Variants in ADGRB1 observed in about 807,000 individuals in gnomAD.
The protein encoded by ADGRB1 is adhesion G protein-coupled receptor B1, also known as brain-specific angiogenesis inhibitor 1.
Under a neutral mutation model 175.7 loss-of-function variants are expected in ADGRB1, and 36 were observed. That is an observed-to-expected ratio of 0.20 (90% CI 0.16 to 0.27). ADGRB1 has a LOEUF of 0.27. Ranked by LOEUF, ADGRB1 falls within the 10% of genes least tolerant of loss-of-function variation. The pLI is 1.00. For missense variants in ADGRB1, 1,731 were observed against 2,255.3 expected, an observed-to-expected ratio of 0.77 and a Z score of 4.71; for synonymous variants, 1,054 against 979.4, an observed-to-expected ratio of 1.08 and a Z score of -1.42.
intron 17 of ADGRB1, among the ~76,000 whole-genome samples, chr8:142,508,050 C>T (rs753980093): frequency 3.3e-5 from 5 of 152,028 alleles, no homozygotes. Context: ...GCCTGGATTC[C>T]AGTTTTTATG....
In ADGRB1 at chr8:142,511,368, C is replaced by G. The variant is rs1048961951; in HGVS notation, c.2817+295C>G. On this transcript the variant is annotated intron_variant, in intron 18 of 30. Transcript: ENST00000517894. This position sits in a 1 kb window ranked among gnomAD's most constrained non-coding sequence, Gnocchi z 4.5. Reference sequence around the variant, plus strand: ...CCCTGGCCTTGGAGGCCCGGGATCTCCGAGGGAGCCTGGGCCTGGGGAGAG... The same window carrying G: ...CCCTGGCCTTGGAGGCCCGGGATCTGCGAGGGAGCCTGGGCCTGGGGAGAG... 6.6e-6 allele frequency among the ~76,000 whole-genome samples: 1 copy of G among 152,078 alleles called. No individual in the cohort carries two copies. Among genetic ancestry groups the G allele is most frequent in the Non-Finnish European group, 1.5e-5 (1 of 67,988 alleles).
chr8:142,542,142 C>G lies in ADGRB1; in HGVS notation c.3908C>G (p.Pro1303Arg). The G allele has an allele frequency of 6.2e-7, 1 of 1,613,648 alleles. No homozygotes were observed. The highest frequency in any genetic ancestry group is 1.7e-5 in the Admixed American group (1 of 60,026). The change falls in exon 28 of 31, where the codon CCC becomes CGC. Residue 1303 changes from proline (P) to arginine (R), a missense_variant. Pro to Arg is a moderately radical substitution (Grantham distance 103, BLOSUM62 -2). Around this residue, in one of 8 missense-constraint regions of ADGRB1, gnomAD observed 394 missense variants for 410.2 expected, o/e 0.96. Transcript: ENST00000517894. This position sits in a 1 kb window ranked among gnomAD's most constrained non-coding sequence, Gnocchi z 6.3. ...CCCGGCGGGCCCCTGCCCGACTTCC[C>G]CAACCACTCACTGACCCTCAAGAGG... ...RYPGGPLPDF[P>R]NHSLTLKRDK...
Position 142,493,768 on chromosome 8 carries a change from C to T in ADGRB1, c.2675+2953C>T, listed in dbSNP as rs1383281120. 3.3e-5 allele frequency among the ~76,000 whole-genome samples: 5 copies of T among 152,240 alleles called. No individual in the cohort carries two copies. Among genetic ancestry groups the T allele is most frequent in the African/African-American group, 7.2e-5 (3 of 41,464 alleles). On this transcript the variant is annotated intron_variant, in intron 17 of 30. Coordinates refer to ENST00000517894, the MANE Select transcript of ADGRB1 (RefSeq NM_001702.3). This position sits in a 1 kb window ranked among gnomAD's most constrained non-coding sequence, Gnocchi z 5.0. ...CTGGGCAGCCTGGAGCCCTAGAGGGCGGGCCACGGCTGGCAGGGAAGGACT... is the reference window on the plus strand; with the variant it reads ...CTGGGCAGCCTGGAGCCCTAGAGGGTGGGCCACGGCTGGCAGGGAAGGACT...
At chr8:142,453,138 C>G (rs970969396) in intron 1 of ADGRB1, among the ~76,000 whole-genome samples, 1 of 151,784 alleles carries the variant, frequency 6.6e-6, no homozygotes, top group Non-Finnish European at 1.5e-5. Context: ...CGGCCCGGTC[C>G]CCGTGTGCGG....
rs1299526238 is a variant in ADGRB1, at chr8:142,510,917, C to A, written c.2676-15C>A. ...CGCTCCGCCTGTCTCCCTCCCGTGT[C>A]CCGCCCGCCCCCAGACCCTCCTCCT... On this transcript the variant is annotated splice_polypyrimidine_tract_variant and intron_variant, in intron 17 of 30. Transcript: ENST00000517894. The surrounding 1 kb of genome is among the most constrained non-coding windows in gnomAD (Gnocchi z 6.3). The A allele has an allele frequency of 1.2e-4, 48 of 392,630 alleles. No homozygotes were observed. The highest frequency in any genetic ancestry group is 1.7e-4 in the Non-Finnish European group (46 of 276,216). The allele number at this position is 392,630 out of a possible 1,614,324, so 24.3% of individuals were successfully genotyped here. A position where few individuals can be genotyped will look rare whatever the true frequency, so the allele number is the denominator to read the frequency against.
intron 24 of ADGRB1, among the ~76,000 whole-genome samples, chr8:142,529,536 G>A (rs1342098942): frequency 6.6e-6 from 1 of 152,174 alleles, no homozygotes; most frequent in Non-Finnish European, 1.5e-5. Flanking sequence ...GTGCCTTGAT[G>A]TGTGCAAGCA....
chr8:142,495,219 G>T (rs920994186), intron 17 of ADGRB1, among the ~76,000 whole-genome samples: 1 of 152,114 alleles, frequency 6.6e-6, no homozygotes, highest in East Asian at 1.9e-4. Context: ...GGGTGCAGCT[G>T]TGGGTTGCTG....
chr8:142,539,772 C>T (rs557186978), intron 27 of ADGRB1: 3 of 400,564 alleles, frequency 7.5e-6, no homozygotes, highest in Admixed American at 8.3e-5. Context: ...CAGCCTCACC[C>T]TAGTGCCGCT....
rs1212572891 is a variant in ADGRB1 at position 142,474,840 on chromosome 8, G to A, written c.785-634G>A. The stretch of plus-strand genomic sequence containing the variant: ...GGCATTTATCCCAGGCTCCCTCCTC[G>A]GGTGGCCAGCTGGCCAGGTCCAGGG... On this transcript the variant is annotated intron_variant, in intron 2 of 30. Transcript: ENST00000517894. The surrounding 1 kb of genome is among the most constrained non-coding windows in gnomAD (Gnocchi z 5.8). 6.6e-6 allele frequency among the ~76,000 whole-genome samples: 1 copy of A among 152,134 alleles called. No individual in the cohort carries two copies. The highest frequency in any genetic ancestry group is 1.5e-5 in the Non-Finnish European group (1 of 68,010).
Position 142,494,699 on chromosome 8 carries a change from A to G in ADGRB1, c.2675+3884A>G, listed in dbSNP as rs551785771. On this transcript the variant is annotated intron_variant, in intron 17 of 30. Transcript: ENST00000517894. ...CACCTGGTGTCCCTGCACCCCAGCA[A>G]CTAGATCCGTAACCAAACCCCAACC... 2.0e-5 allele frequency among the ~76,000 whole-genome samples: 3 copies of G among 151,324 alleles called. No individual in the cohort carries two copies. In the South Asian group the frequency reaches 6.3e-4, roughly 32 times the overall value.
At chr8:142,516,487 G>A (rs1422806193) in intron 18 of ADGRB1, among the ~76,000 whole-genome samples, 17 of 144,158 alleles carry the variant, frequency 1.2e-4, no homozygotes, top group Non-Finnish European at 1.7e-4. Context: ...GTGTGCGCGC[G>A]CGTGTGTGCG....
Position 142,544,557 on chromosome 8 carries a change from G to A in ADGRB1, c.*140G>A. Reference sequence around the variant, plus strand: ...CCTCAGGGCGCTCAGACGGCGGCCAGGCACAGGGCCCGCAGTGCTGGGACC... The same window carrying A: ...CCTCAGGGCGCTCAGACGGCGGCCAAGCACAGGGCCCGCAGTGCTGGGACC... On this transcript the variant is annotated 3_prime_UTR_variant, in exon 31 of 31. Transcript: ENST00000517894. 9.6e-7 allele frequency: 1 copy of A among 1,037,012 alleles called. No individual in the cohort carries two copies. Among genetic ancestry groups the A allele is most frequent in the Non-Finnish European group, 1.3e-6 (1 of 771,882 alleles). The allele number at this position is 1,037,012 out of a possible 1,614,324, so 64.2% of individuals were successfully genotyped here.
At position 142,514,802 on chromosome 8, in the gene ADGRB1, G is replaced by A. The variant is rs1479212963; in HGVS notation, c.2818-3336G>A. ...GGGTTTAGTGTGTGGCTGGATTCAG[G>A]GGACAGGGTGTGATGGGAATTGGGG... On this transcript the variant is annotated intron_variant, in intron 18 of 30. Coordinates refer to ENST00000517894, the MANE Select transcript of ADGRB1 (RefSeq NM_001702.3). Among the ~76,000 whole-genome samples the A allele has an allele frequency of 2.0e-5, 3 of 152,114 alleles. No individual in the cohort carries two copies. In the East Asian group the frequency reaches 5.8e-4, roughly 29 times the overall value.
chr8:142,522,153 C>T, intron 21 of ADGRB1, 38 bp downstream of exon 21: 2 of 1,590,962 alleles, frequency 1.3e-6, no homozygotes, highest in Non-Finnish European at 1.7e-6. Context: ...GGACAGATAC[C>T]CTTCCTCCCC....
intron 24 of ADGRB1, among the ~76,000 whole-genome samples, chr8:142,532,573 TGTCA>T (rs1355901780): frequency 6.6e-6 from 1 of 152,124 alleles, no homozygotes; most frequent in Non-Finnish European, 1.5e-5. Flanking sequence ...AGGAGGCGCC[TGTCA>T]GTCTGTCTGT....
Position 142,481,537 on chromosome 8 carries a change from G to A in ADGRB1, c.1956G>A (p.Lys652=), listed in dbSNP as rs751912855. 5.2e-5 allele frequency: 82 copies of A among 1,588,412 alleles called. No individual in the cohort carries two copies. Residue 652 remains lysine (K), a synonymous_variant, in exon 11 of 31, where the codon AAG becomes AAA. Coordinates refer to ENST00000517894, the MANE Select transcript of ADGRB1 (RefSeq NM_001702.3). ...CGCAGACCCGGGAGCACCTGGCCAAGGCTCAGCGAGGGCTGCCTGGGGAGG... is the reference window on the plus strand; with the variant it reads ...CGCAGACCCGGGAGCACCTGGCCAAAGCTCAGCGAGGGCTGCCTGGGGAGG... The part of the protein sequence containing the change: ...IQMMTREHLA[K]AQRGLPGEGV...
chr8:142,453,795 G>C (rs952092140), intron 1 of ADGRB1, among the ~76,000 whole-genome samples: 2 of 152,208 alleles, frequency 1.3e-5, no homozygotes, highest in African/African-American at 4.8e-5. Flanking sequence ...GGGAGTGCAA[G>C]AAGGCAACCT....
At chr8:142,503,155 G>A (rs770859682) in intron 17 of ADGRB1, among the ~76,000 whole-genome samples, 26 of 151,550 alleles carry the variant, frequency 1.7e-4, no homozygotes, top group Middle Eastern at 3.4e-3. Flanking sequence ...AGCCCCCTGA[G>A]GGAAGCGAGA....
intron 24 of ADGRB1, among the ~76,000 whole-genome samples, chr8:142,528,596 A>G (rs532439927): frequency 1.3e-5 from 2 of 151,790 alleles, no homozygotes; most frequent in East Asian, 3.9e-4. Flanking sequence ...CCGAGTGTGG[A>G]GTCCTCTCTG....
Sources: gnomAD v4.1 joint callset for allele counts (sites outside exome capture counted in the v4.1 genomes callset) on GRCh38, gnomAD v4.1.1 for gene constraint, gnomAD v4.1.1 regional missense constraint, Gnocchi (gnomAD v3.1) non-coding constraint, MANE v1.5 for transcripts, NCBI Gene and HGNC (gene_info 2026-07-23, HGNC 2026-07-21) for gene names.